FHIT: variants seen among roughly 807,000 people sequenced by gnomAD.
The protein encoded by FHIT is bis(5'-adenosyl)-triphosphatase.
In FHIT, 19 loss-of-function variants were observed where a neutral mutation model predicts 17.9. The observed-to-expected ratio is 1.06, with a 90% CI of 0.74 to 1.56. The LOEUF (loss-of-function observed/expected upper bound fraction) is 1.56. Among genes scored for constraint, FHIT ranks in the 40% most tolerant of loss-of-function variants. The pLI, the probability that FHIT is intolerant of heterozygous loss-of-function variation, is 0.00. For synonymous variants in FHIT, 81 were observed against 69.7 expected, an observed-to-expected ratio of 1.16 and a Z score of -0.81; for missense variants, 248 against 189.2, an observed-to-expected ratio of 1.31 and a Z score of -1.82.
intron 5 of FHIT, among the ~76,000 whole-genome samples, chr3:60,303,223 C>G (rs1256968816): frequency 2.0e-5 from 3 of 152,124 alleles, no homozygotes; most frequent in South Asian, 2.1e-4. Context: ...CTTTTCACCT[C>G]TAAAATACAA....
intron 5 of FHIT, among the ~76,000 whole-genome samples, chr3:60,173,904 TATA>T (rs1387923865): frequency 3.8e-5 from 3 of 78,360 alleles, no homozygotes; most frequent in Non-Finnish European, 7.0e-5. Flanking sequence ...TATATATATA[TATA>T]TATATATATG....
chr3:60,730,130 C>A, intron 4 of FHIT: 2 of 488,678 alleles, frequency 4.1e-6, no homozygotes, highest in South Asian at 1.6e-5. Flanking sequence ...ACAAGAGCTT[C>A]AAAGAAGCAC....
intron 4 of FHIT, among the ~76,000 whole-genome samples, chr3:60,701,591 T>C (rs1577085739): frequency 6.6e-6 from 1 of 152,196 alleles, no homozygotes; most frequent in South Asian, 2.1e-4. Flanking sequence ...GATGAGTCAG[T>C]TTATCCATCT....
chr3:60,285,456 TTAAAAATTATGACATTTTCTTAATCTTCA>T (rs1415565489), intron 5 of FHIT, among the ~76,000 whole-genome samples: 14 of 152,184 alleles, frequency 9.2e-5, no homozygotes, highest in African/African-American at 3.4e-4. Flanking sequence ...AACGGCAGAC[TTAAAAATTATGACATTTTCTTAATCTTCA>T]TAAAGCCTGT....
At chr3:59,861,019 G>C (rs916821502) in intron 8 of FHIT, among the ~76,000 whole-genome samples, 1 of 152,078 alleles carries the variant, frequency 6.6e-6, no homozygotes, top group Non-Finnish European at 1.5e-5. Context: ...AGGGGAGTCT[G>C]ATGGACAAAG....
chr3:59,785,203 C>T (rs908223011), intron 8 of FHIT, among the ~76,000 whole-genome samples: 4 of 152,036 alleles, frequency 2.6e-5, no homozygotes, highest in Admixed American at 6.6e-5. Flanking sequence ...TATTACAATT[C>T]GACATGAGAT....
At chr3:61,033,882 T>C (rs1317819581) in intron 3 of FHIT, among the ~76,000 whole-genome samples, 2 of 152,310 alleles carry the variant, frequency 1.3e-5, no homozygotes, top group South Asian at 2.1e-4. Flanking sequence ...CTGGGCTGCA[T>C]AGTGGATATT....
intron 4 of FHIT, among the ~76,000 whole-genome samples, chr3:60,673,268 C>T (rs549313562): frequency 1.3e-5 from 2 of 152,134 alleles, no homozygotes; most frequent in African/African-American, 4.8e-5. Flanking sequence ...TCTTATAATG[C>T]GGGTTGACTA....
At chr3:60,976,646 T>C (rs1710267761) in intron 3 of FHIT, among the ~76,000 whole-genome samples, 1 of 152,222 alleles carries the variant, frequency 6.6e-6, no homozygotes, top group African/African-American at 2.4e-5. Context: ...GTTTTCTTAA[T>C]GAACCCTTGA....
chr3:59,952,225 C>G (rs1232308823), intron 7 of FHIT, among the ~76,000 whole-genome samples: 1 of 152,196 alleles, frequency 6.6e-6, no homozygotes, highest in Non-Finnish European at 1.5e-5. Flanking sequence ...CATCCCAAAT[C>G]TGACATTATG....
At chr3:60,057,692 C>T (rs1702135469) in intron 5 of FHIT, among the ~76,000 whole-genome samples, 1 of 145,994 alleles carries the variant, frequency 6.8e-6, no homozygotes, top group African/African-American at 2.5e-5. Flanking sequence ...TCAGGCCTCT[C>T]GAAAAAAAAA....
At chr3:61,208,214 T>G (rs1037099569) in intron 1 of FHIT, among the ~76,000 whole-genome samples, 2 of 152,132 alleles carry the variant, frequency 1.3e-5, no homozygotes, top group African/African-American at 4.8e-5. Flanking sequence ...TTACATTTGC[T>G]GAGGAGTGCT....
chr3:60,402,799 T>C (rs770084997), intron 5 of FHIT, among the ~76,000 whole-genome samples: 3 of 152,192 alleles, frequency 2.0e-5, no homozygotes, highest in Non-Finnish European at 4.4e-5. Flanking sequence ...AGTCACTGTA[T>C]AGTCATTGCT....
At chr3:61,203,561 A>G (rs1980308) in intron 1 of FHIT, among the ~76,000 whole-genome samples, 65,805 of 152,024 alleles carry the variant, frequency 0.43, 14,636 homozygotes, top group East Asian at 0.58. Flanking sequence ...AAGCAATAGT[A>G]AACAGAGAAA....
At chr3:61,226,429 A>G (rs2039972409) in intron 1 of FHIT, among the ~76,000 whole-genome samples, 1 of 152,166 alleles carries the variant, frequency 6.6e-6, no homozygotes. Context: ...GTCCAGGAAG[A>G]AAAATATCCC....
chr3:59,957,466 A>AT (rs1707461190), intron 7 of FHIT, among the ~76,000 whole-genome samples: 1 of 152,236 alleles, frequency 6.6e-6, no homozygotes, highest in Admixed American at 6.5e-5. Flanking sequence ...AATCTGTAGC[A>AT]TTTTTGTTAT....
chr3:59,979,579 A>G (rs1708561285), intron 7 of FHIT, among the ~76,000 whole-genome samples: 1 of 152,128 alleles, frequency 6.6e-6, no homozygotes, highest in South Asian at 2.1e-4. Context: ...TTAAATAGAA[A>G]CATCTCAGGC....
intron 1 of FHIT, among the ~76,000 whole-genome samples, chr3:61,234,916 T>C (rs920463540): frequency 6.6e-6 from 1 of 152,230 alleles, no homozygotes; most frequent in African/African-American, 2.4e-5. Flanking sequence ...TCCAAATAAA[T>C]TTGCATTGTA....
At chr3:60,481,775 C>T (rs1440371587) in intron 5 of FHIT, among the ~76,000 whole-genome samples, 1 of 151,994 alleles carries the variant, frequency 6.6e-6, no homozygotes, top group African/African-American at 2.4e-5. Context: ...AAATAGTATG[C>T]AAAATAACTA....
Sources: gnomAD v4.1 joint callset for allele counts (sites outside exome capture counted in the v4.1 genomes callset) on GRCh38, gnomAD v4.1.1 for gene constraint, MANE v1.5 for transcripts, NCBI Gene and HGNC (gene_info 2026-07-23, HGNC 2026-07-21) for gene names.